The following ITFG1 variants were observed in gnomAD, a reference collection of about 807,000 sequenced individuals.
ITFG1 encodes T-cell immunomodulatory protein.
In ITFG1, 34 loss-of-function variants were observed where a neutral mutation model predicts 81.8. The ratio of observed to expected loss-of-function variants is 0.42; its 90% CI spans 0.32 to 0.55. The LOEUF is 0.55. ITFG1 is among the 20% of genes least tolerant of loss of function. ITFG1 has a pLI of 0.17. For synonymous variants in ITFG1, 285 were observed against 270.6 expected, an observed-to-expected ratio of 1.05 and a Z score of -0.52; for missense variants, 672 against 755.4, an observed-to-expected ratio of 0.89 and a Z score of 1.29.
chr16:47,386,618 T>C (rs540445343), intron 6 of ITFG1, among the ~76,000 whole-genome samples: 15 of 152,194 alleles, frequency 9.9e-5, no homozygotes, highest in Non-Finnish European at 1.9e-4. Flanking sequence ...ACCCCTTTTG[T>C]AGGCCTTTGG....
intron 10 of ITFG1, among the ~76,000 whole-genome samples, chr16:47,296,813 T>A (rs1156455274): frequency 2.6e-5 from 4 of 152,216 alleles, no homozygotes; most frequent in African/African-American, 9.6e-5. Context: ...ATACTTGACA[T>A]GAGTTTGATT....
At chr16:47,204,458 G>C (rs1965467017) in intron 14 of ITFG1, among the ~76,000 whole-genome samples, 1 of 152,154 alleles carries the variant, frequency 6.6e-6, no homozygotes, top group Admixed American at 6.5e-5. Flanking sequence ...TGCTTCTAAA[G>C]ATAATAAATT....
intron 8 of ITFG1, among the ~76,000 whole-genome samples, chr16:47,361,591 C>T (rs940515437): frequency 6.6e-6 from 1 of 152,180 alleles, no homozygotes; most frequent in African/African-American, 2.4e-5. Flanking sequence ...GTATGAGAGA[C>T]ATTTATGGGT....
intron 14 of ITFG1, among the ~76,000 whole-genome samples, chr16:47,174,766 C>T (rs922672528): frequency 1.3e-5 from 2 of 152,172 alleles, no homozygotes; most frequent in East Asian, 3.8e-4. Context: ...GTGATCCACC[C>T]GCCTCTGCCT....
intron 12 of ITFG1, among the ~76,000 whole-genome samples, chr16:47,257,192 T>C (rs1218524080): frequency 6.6e-6 from 1 of 151,986 alleles, no homozygotes; most frequent in Non-Finnish European, 1.5e-5. Context: ...AGAAAGAAAA[T>C]TATCTCTCTT....
chr16:47,285,716 T>C (rs1251680779), intron 10 of ITFG1, among the ~76,000 whole-genome samples: 1 of 152,222 alleles, frequency 6.6e-6, no homozygotes, highest in Non-Finnish European at 1.5e-5. Flanking sequence ...ACTATTGTGG[T>C]GTGAGAGTAG....
In ITFG1 at chr16:47,263,843, C is replaced by G. The variant is rs575580918; in HGVS notation, c.1071-3148G>C. 5.3e-5 allele frequency among the ~76,000 whole-genome samples: 8 copies of G among 152,288 alleles called. 1 individual carries two copies. The highest frequency in any genetic ancestry group is 4.1e-4 in the South Asian group (2 of 4,824). ...TTACAAATGTCTTAGAGCTCCCTAG[C>G]TACTTTGGTCCTGTATTGTGAAACA... On this transcript the variant is annotated intron_variant, in intron 10 of 17. Transcript: ENST00000320640.
rs1415211267 is a variant in ITFG1 at position 47,457,173 on chromosome 16, T to C, written c.281+1930A>G. Among the ~76,000 whole-genome samples the C allele has an allele frequency of 3.3e-5, 5 of 152,128 alleles. No homozygotes were observed. In the East Asian group the frequency reaches 9.7e-4, roughly 29 times the overall value. On this transcript the variant is annotated intron_variant, in intron 2 of 17. Transcript: ENST00000320640. ...AAAAATACAAAAAATTAGCTAGGCA[T>C]GGTGGCAGGCACCTGTAATCCCAGC...
intron 10 of ITFG1, among the ~76,000 whole-genome samples, chr16:47,277,726 T>A (rs1044472632): frequency 1.3e-5 from 2 of 152,226 alleles, no homozygotes; most frequent in Non-Finnish European, 2.9e-5. Context: ...TGTGCTTTAG[T>A]GTAAACTACA....
intron 8 of ITFG1, among the ~76,000 whole-genome samples, chr16:47,346,923 C>T (rs191943880): frequency 6.6e-6 from 1 of 152,326 alleles, no homozygotes; most frequent in African/African-American, 2.4e-5. Flanking sequence ...AACAAAATTA[C>T]TCTGATATCA....
chr16:47,264,567 C>T (rs1966252816), intron 10 of ITFG1, among the ~76,000 whole-genome samples: 1 of 151,476 alleles, frequency 6.6e-6, no homozygotes, highest in African/African-American at 2.4e-5. Context: ...CACACACACA[C>T]ACACACACAC....
At chr16:47,323,034 T>C (rs1967472262) in intron 8 of ITFG1, among the ~76,000 whole-genome samples, 1 of 152,168 alleles carries the variant, frequency 6.6e-6, no homozygotes, top group Non-Finnish European at 1.5e-5. Context: ...TATTATCTCA[T>C]GGATACTTAT....
chr16:47,226,609 G>A (rs1965761341), intron 13 of ITFG1, among the ~76,000 whole-genome samples: 1 of 144,562 alleles, frequency 6.9e-6, no homozygotes, highest in Non-Finnish European at 1.5e-5. Context: ...ACCTACGAGT[G>A]ACAACATGCG....
intron 8 of ITFG1, among the ~76,000 whole-genome samples, chr16:47,364,096 A>T (rs951173812): frequency 2.6e-5 from 4 of 152,210 alleles, no homozygotes; most frequent in Non-Finnish European, 5.9e-5. Context: ...TATTTTTGAT[A>T]TGTTAATATT....
intron 8 of ITFG1, among the ~76,000 whole-genome samples, chr16:47,331,619 G>A (rs1365867062): frequency 6.6e-6 from 1 of 152,118 alleles, no homozygotes; most frequent in African/African-American, 2.4e-5. Flanking sequence ...ATCTTTGTGA[G>A]ATTTACCTTT....
At chr16:47,329,395 C>A (rs1967607501) in intron 8 of ITFG1, among the ~76,000 whole-genome samples, 1 of 152,100 alleles carries the variant, frequency 6.6e-6, no homozygotes, top group Non-Finnish European at 1.5e-5. Flanking sequence ...ATGCTACCAG[C>A]AGTCCACTTC....
At chr16:47,334,565 T>C (rs1473694823) in intron 8 of ITFG1, among the ~76,000 whole-genome samples, 2 of 152,252 alleles carry the variant, frequency 1.3e-5, no homozygotes, top group Admixed American at 1.3e-4. Flanking sequence ...AATGATTCAC[T>C]GCTTGGTTGA....
intron 13 of ITFG1, among the ~76,000 whole-genome samples, chr16:47,232,829 T>C (rs1327935935): frequency 6.6e-6 from 1 of 151,656 alleles, no homozygotes; most frequent in Non-Finnish European, 1.5e-5. Flanking sequence ...TTTGTAGAGA[T>C]GGGGTTTCAG....
intron 7 of ITFG1, among the ~76,000 whole-genome samples, chr16:47,374,959 A>G (rs1169861160): frequency 6.6e-6 from 1 of 152,148 alleles, no homozygotes; most frequent in Non-Finnish European, 1.5e-5. Flanking sequence ...TGTGCTTTAC[A>G]TTTCAAAAAT....
Sources: allele counts gnomAD v4.1 joint callset (sites outside exome capture counted in the v4.1 genomes callset), GRCh38; gene constraint gnomAD v4.1.1; transcripts MANE v1.5; gene names NCBI Gene and HGNC (gene_info 2026-07-23, HGNC 2026-07-21).